Variants in PTPRF observed in about 807,000 individuals in gnomAD.
PTPRF encodes the protein protein tyrosine phosphatase receptor type F.
A neutral mutation model predicts 201.8 loss-of-function variants in PTPRF; 59 were observed. That is an observed-to-expected ratio of 0.29 (90% CI 0.24 to 0.36). The LOEUF (loss-of-function observed/expected upper bound fraction) is 0.36. Among genes scored for constraint, PTPRF ranks in the 10% least tolerant of loss-of-function variants. The pLI, the probability that PTPRF is intolerant of heterozygous loss-of-function variation, is 1.00. For synonymous variants in PTPRF, 1,088 were observed against 1,089.7 expected, an observed-to-expected ratio of 1.00 and a Z score of 0.03; for missense variants, 2,132 against 2,690.5, an observed-to-expected ratio of 0.79 and a Z score of 4.59.
In PTPRF at chr1:43,603,176, G is replaced by A. The variant is rs1654197351; in HGVS notation, c.2341-240G>A. On this transcript the variant is annotated intron_variant, in intron 14 of 33. Coordinates refer to ENST00000359947, the MANE Select transcript of PTPRF (RefSeq NM_002840.5). The surrounding 1 kb of genome is among the most constrained non-coding windows in gnomAD (Gnocchi z 5.8). ...CTGGCCCTTTGTTCTTGTCTGAAAA[G>A]AATAATGAGCTGTCTGCCCCAGGCG... Among the ~76,000 whole-genome samples, 1 of 152,170 alleles carries A rather than the reference G, an allele frequency of 6.6e-6. No homozygotes were observed. The highest frequency in any genetic ancestry group is 2.1e-4 in the South Asian group (1 of 4,836).
rs1468952878 is a variant in PTPRF, at chr1:43,542,756, C to T, written c.-45-2275C>T. On this transcript the variant is annotated intron_variant, in intron 2 of 33. Coordinates refer to ENST00000359947, the MANE Select transcript of PTPRF (RefSeq NM_002840.5). The surrounding 1 kb of genome is among the most constrained non-coding windows in gnomAD (Gnocchi z 5.2). ...GTGTCCGCCCACGTGATGTCTAGAC[C>T]ACACCATTACACCTCCATGATGTCT... 6.6e-6 allele frequency among the ~76,000 whole-genome samples: 1 copy of T among 152,112 alleles called. No homozygotes were observed. The highest frequency in any genetic ancestry group is 2.4e-5 in the African/African-American group (1 of 41,406).
At position 43,599,054 on chromosome 1, in the gene PTPRF, G is replaced by A. The variant is rs566173238; in HGVS notation, c.2313+141G>A. 2.5e-4 allele frequency: 222 copies of A among 901,720 alleles called. 1 individual carries two copies. The African/African-American group carries it at 3.0e-3, about 12-fold the overall frequency. 55.9% of individuals were successfully genotyped at this position (901,720 alleles called of 1,614,324 possible). ...CTGCCTTTCCTTGGTTGTGAGACCC[G>A]AGATGCTTTGCAGCATCAGGGGTTA... is the stretch of plus-strand genomic sequence containing the variant. On this transcript the variant is annotated intron_variant, in intron 13 of 33. Coordinates refer to ENST00000359947, the MANE Select transcript of PTPRF (RefSeq NM_002840.5).
intron 12 of PTPRF, 32 bp downstream of exon 12, chr1:43,598,085 C>G: frequency 6.9e-7 from 1 of 1,446,650 alleles, no homozygotes; most frequent in Non-Finnish European, 9.1e-7. Context: ...GGAGGGGAGG[C>G]GTTCTGCCTC....
At chr1:43,613,511 C>T (rs369701068) in intron 22 of PTPRF, 107 bp from the exon 23 acceptor site, 1 of 923,080 alleles carries the variant, frequency 1.1e-6, no homozygotes, top group Non-Finnish European at 1.8e-6. Flanking sequence ...TCCAAGTGCT[C>T]CATGGTCACA....
In PTPRF at chr1:43,621,173, G is replaced by A. The variant is rs761408146; in HGVS notation, c.5596G>A (p.Asp1866Asn). The A allele has an allele frequency of 8.7e-6, 14 of 1,614,036 alleles. No homozygotes were observed. Among genetic ancestry groups the A allele is most frequent in the Admixed American group, 6.7e-5 (4 of 60,002 alleles). The change falls in exon 33 of 34, where the codon GAC becomes AAC. Residue 1866 changes from aspartate to asparagine, a missense_variant. Around this residue, in one of 6 missense-constraint regions of PTPRF, gnomAD observed 519 missense variants for 659.5 expected, o/e 0.79. Transcript: ENST00000359947. ...GCGCATGCGCTACGAGGGCGTGGTC[G>A]ACATGTTTCAGACCGTGAAGACCCT... ...LERMRYEGVV[D>N]MFQTVKTLRT...
upstream of PTPRF, among the ~76,000 whole-genome samples, chr1:43,524,721 G>A (rs1643047515): frequency 6.6e-6 from 1 of 152,148 alleles, no homozygotes; most frequent in Non-Finnish European, 1.5e-5. Flanking sequence ...TAAGGCAGCA[G>A]GAGAGAGGGC....
chr1:43,588,459 C>T lies in PTPRF; in HGVS notation c.680-272C>T, dbSNP rs573270960. 5.8e-4 allele frequency among the ~76,000 whole-genome samples: 89 copies of T among 152,172 alleles called. 2 individuals carry two copies. Among genetic ancestry groups the T allele is most frequent in the Non-Finnish European group, 1.5e-4 (10 of 68,032 alleles). ...GGACCTTCCTGACAGGCCTCAGTTT[C>T]CTAGGCTATAAAATGGGAGCTTGGT... On this transcript the variant is annotated intron_variant, in intron 7 of 33. Transcript: ENST00000359947. The surrounding 1 kb of genome is among the most constrained non-coding windows in gnomAD (Gnocchi z 5.3).
upstream of PTPRF, among the ~76,000 whole-genome samples, chr1:43,524,009 G>T (rs1224781536): frequency 7.1e-6 from 1 of 140,702 alleles, no homozygotes; most frequent in East Asian, 2.1e-4. Flanking sequence ...GTTGCAGTGA[G>T]CCGAGATCGC....
Position 43,605,519 on chromosome 1 carries a change from G to T in PTPRF, c.3390-10G>T. ...CAGTGACAGTCCTGATTCCTGCCCTGCCCACCCAGGTGGTTCTACATTGTT... is the reference window on the plus strand; with the variant it reads ...CAGTGACAGTCCTGATTCCTGCCCTTCCCACCCAGGTGGTTCTACATTGTT... On this transcript the variant is annotated splice_polypyrimidine_tract_variant and intron_variant, in intron 18 of 33. Transcript: ENST00000359947. The T allele has an allele frequency of 3.1e-6, 5 of 1,614,066 alleles. No individual in the cohort carries two copies. Among genetic ancestry groups the T allele is most frequent in the Non-Finnish European group, 4.2e-6 (5 of 1,179,948 alleles).
chr1:43,559,919 A>C (rs895005085), intron 5 of PTPRF, among the ~76,000 whole-genome samples: 30 of 138,658 alleles, frequency 2.2e-4, no homozygotes, highest in African/African-American at 8.4e-4. Flanking sequence ...GCGCGTGTGT[A>C]CAGCAGGTGG....
chr1:43,581,324 A>G (rs1437437264), intron 7 of PTPRF, among the ~76,000 whole-genome samples: 1 of 152,220 alleles, frequency 6.6e-6, no homozygotes, highest in East Asian at 1.9e-4. Context: ...AGGGACTCCA[A>G]AACAGCCAAA....
At chr1:43,555,138 C>A in intron 5 of PTPRF, among the ~76,000 whole-genome samples, 1 of 151,994 alleles carries the variant, frequency 6.6e-6, no homozygotes, top group East Asian at 1.9e-4. Context: ...AGGTGTGAGC[C>A]ACCGCACCCG....
In PTPRF at chr1:43,569,682, G is replaced by A. The variant is rs375157244; in HGVS notation, c.472G>A (p.Ala158Thr). The change falls in exon 6 of 34, where the codon GCA becomes ACA. Residue 158 changes from alanine (A) to threonine (T), a missense_variant. This residue lies in a region of PTPRF where 297 missense variants were observed against 454.0 expected (regional missense o/e 0.65). Transcript: ENST00000359947. ...KARTATMLCAAGGNPDPEISW... is the reference protein window; with the variant it reads ...KARTATMLCATGGNPDPEISW... ...ACGCACAGCCACCATGCTATGTGCCGCAGGCGGAAATCCAGACCCTGAGAT... is the reference window on the plus strand; with the variant it reads ...ACGCACAGCCACCATGCTATGTGCCACAGGCGGAAATCCAGACCCTGAGAT... 21 of 1,613,942 alleles carry A rather than the reference G, an allele frequency of 1.3e-5. No homozygotes were observed. Among genetic ancestry groups the A allele is most frequent in the Non-Finnish European group, 1.7e-5 (20 of 1,179,964 alleles).
intron 5 of PTPRF, among the ~76,000 whole-genome samples, chr1:43,559,011 A>G (rs1346369419): frequency 6.6e-6 from 1 of 152,200 alleles, no homozygotes; most frequent in East Asian, 1.9e-4. Flanking sequence ...TGGAGCAGAG[A>G]TGAGCTGTTT....
At chr1:43,598,074 G>A (rs200176255) in intron 12 of PTPRF, 21 bp downstream of exon 12, 25 of 1,452,718 alleles carry the variant, frequency 1.7e-5, no homozygotes, top group Middle Eastern at 2.2e-4. Context: ...CCACCGGGGC[G>A]GGAGGGGAGG....
At chr1:43,527,796 C>G (rs74071931), upstream of PTPRF, among the ~76,000 whole-genome samples, 3,164 of 152,244 alleles carry the variant, frequency 0.021, 115 homozygotes, top group African/African-American at 0.072. Flanking sequence ...CACAGGCTAG[C>G]GAACACCACG....
rs1659512539 is a variant in PTPRF at position 43,623,111 on chromosome 1, A to AC, written c.*1112dup. 6.5e-6 allele frequency: 1 copy of AC among 152,678 alleles called. No individual in the cohort carries two copies. The highest frequency in any genetic ancestry group is 3.4e-3 in the Middle Eastern group (1 of 294). The allele number at this position is 152,678 out of a possible 1,614,324, so 9.5% of individuals were successfully genotyped here. ...TAGCACAGGTTAGGGTGTGTGCCAC[A>AC]CCCCATGCACCTCAGGGCCAAGCGG... On this transcript the variant is annotated 3_prime_UTR_variant, in exon 34 of 34. Transcript: ENST00000359947.
intron 8 of PTPRF, among the ~76,000 whole-genome samples, chr1:43,589,239 G>A (rs932177991): frequency 1.3e-5 from 2 of 152,000 alleles, no homozygotes; most frequent in Admixed American, 6.5e-5. Context: ...CATCATGCTA[G>A]CAAGCACAGT....
intron 25 of PTPRF, 108 bp from the exon 26 acceptor site, chr1:43,618,522 C>T: frequency 1.4e-6 from 2 of 1,393,386 alleles, no homozygotes; most frequent in Non-Finnish European, 2.0e-6. Flanking sequence ...GGCTGGGGGG[C>T]TTTGTAGCCA....
Sources: gnomAD v4.1 joint callset for allele counts (sites outside exome capture counted in the v4.1 genomes callset) on GRCh38, gnomAD v4.1.1 for gene constraint, gnomAD v4.1.1 regional missense constraint, Gnocchi (gnomAD v3.1) non-coding constraint, MANE v1.5 for transcripts, NCBI Gene and HGNC (gene_info 2026-07-23, HGNC 2026-07-21) for gene names.